Variants in MACROD2 observed in about 807,000 individuals in gnomAD.
MACROD2 encodes ADP-ribose glycohydrolase MACROD2.
MACROD2 carries 36 observed loss-of-function variants against 70.4 expected under a neutral mutation model. The observed-to-expected ratio is 0.51, with a 90% CI of 0.39 to 0.68. The LOEUF (loss-of-function observed/expected upper bound fraction) is 0.68, where lower values mean the gene tolerates loss of function less well. Among genes scored for constraint, MACROD2 ranks in the 30% least tolerant of loss-of-function variants. The probability of loss-of-function intolerance (pLI) is 0.00; values close to 1 mark genes in which losing one functional copy is unlikely to be tolerated. For missense variants in MACROD2, 496 were observed against 538.4 expected, an observed-to-expected ratio of 0.92 and a Z score of 0.78; for synonymous variants, 172 against 178.8, an observed-to-expected ratio of 0.96 and a Z score of 0.30.
chr20:14,802,590 C>T (rs1437722631), intron 5 of MACROD2, among the ~76,000 whole-genome samples: 1 of 151,638 alleles, frequency 6.6e-6, no homozygotes, highest in Non-Finnish European at 1.5e-5. Flanking sequence ...TTAATTATAA[C>T]AATATTTTTG....
chr20:15,166,834 G>A (rs1353073359), intron 5 of MACROD2, among the ~76,000 whole-genome samples: 3 of 150,666 alleles, frequency 2.0e-5, no homozygotes, highest in African/African-American at 7.3e-5. Context: ...CAGAAATGAA[G>A]GTTTTAAGTT....
chr20:14,473,702 T>C (rs2084556585), intron 3 of MACROD2, among the ~76,000 whole-genome samples: 1 of 152,232 alleles, frequency 6.6e-6, no homozygotes, highest in South Asian at 2.1e-4. Flanking sequence ...AGTTCTATTT[T>C]TAAATTTTTC....
chr20:16,035,070 TAA>T (rs1290487149), intron 15 of MACROD2, among the ~76,000 whole-genome samples: 25 of 22,488 alleles, frequency 1.1e-3, no homozygotes, highest in Middle Eastern at 0.048. Context: ...ATATTATATA[TAA>T]AATATAATAT....
chr20:16,008,751 G>A (rs6080085), intron 15 of MACROD2, among the ~76,000 whole-genome samples: 94 of 152,250 alleles, frequency 6.2e-4, no homozygotes, highest in Non-Finnish European at 1.2e-3. Flanking sequence ...CTGAGTAAAA[G>A]GCTATACTCC....
intron 5 of MACROD2, among the ~76,000 whole-genome samples, chr20:14,866,923 A>T (rs549761280): frequency 3.9e-5 from 6 of 152,258 alleles, no homozygotes; most frequent in African/African-American, 1.4e-4. Context: ...AATCAAAGCT[A>T]TTTGATTTTA....
chr20:14,943,018 A>G (rs907825765), intron 5 of MACROD2, among the ~76,000 whole-genome samples: 2 of 152,308 alleles, frequency 1.3e-5, no homozygotes, highest in Middle Eastern at 6.8e-3. Context: ...TGTATTCATC[A>G]CCTGAATGAC....
At chr20:15,137,574 G>T in intron 5 of MACROD2, among the ~76,000 whole-genome samples, 1 of 113,668 alleles carries the variant, frequency 8.8e-6, no homozygotes, top group Non-Finnish European at 1.7e-5. Context: ...TGGGGGGAGG[G>T]GGGAGGGATA....
At chr20:15,971,803 G>GAAACCACACTTATCCCCACCT (rs2066234789) in intron 13 of MACROD2, among the ~76,000 whole-genome samples, 1 of 151,924 alleles carries the variant, frequency 6.6e-6, no homozygotes, top group African/African-American at 2.4e-5. Context: ...CCATGGAACT[G>GAAACCACACTTATCCCCACCT]TGGCTCAAGC....
chr20:15,838,957 A>G (rs868029921), intron 8 of MACROD2, among the ~76,000 whole-genome samples: 3 of 152,164 alleles, frequency 2.0e-5, no homozygotes, highest in Non-Finnish European at 2.9e-5. Flanking sequence ...CAACTCATAC[A>G]TGTGTATGCA....
chr20:14,712,263 A>C (rs976685055), intron 5 of MACROD2, among the ~76,000 whole-genome samples: 2 of 152,182 alleles, frequency 1.3e-5, no homozygotes, highest in Non-Finnish European at 2.9e-5. Context: ...CTGACTGCCA[A>C]TGACACATAA....
chr20:15,152,234 T>C (rs542264670), intron 5 of MACROD2, among the ~76,000 whole-genome samples: 1 of 152,036 alleles, frequency 6.6e-6, no homozygotes, highest in African/African-American at 2.4e-5. Flanking sequence ...GCTTAGATTT[T>C]AGATCAGGTG....
chr20:14,208,982 T>A (rs4814289), intron 3 of MACROD2, among the ~76,000 whole-genome samples: 144,485 of 152,296 alleles, frequency 0.95, 68,559 homozygotes, highest in East Asian at 0.99. Flanking sequence ...AAAGAAGTAG[T>A]GTGTTAAACT....
At chr20:15,177,442 T>C (rs1026575891) in intron 5 of MACROD2, among the ~76,000 whole-genome samples, 2 of 152,362 alleles carry the variant, frequency 1.3e-5, no homozygotes, top group Admixed American at 1.3e-4. Flanking sequence ...AGCCTGACTT[T>C]CCAAATTGAA....
At chr20:15,899,931 AAAAT>A (rs2065039738) in intron 10 of MACROD2, among the ~76,000 whole-genome samples, 1 of 152,138 alleles carries the variant, frequency 6.6e-6, no homozygotes, top group South Asian at 2.1e-4. Flanking sequence ...TTATTTTACT[AAAAT>A]AAATTTTTCT....
intron 3 of MACROD2, among the ~76,000 whole-genome samples, chr20:14,308,448 T>G (rs892680645): frequency 1.3e-5 from 2 of 152,098 alleles, no homozygotes; most frequent in African/African-American, 4.8e-5. Flanking sequence ...TGCCTTTCTG[T>G]GAGGGTGTTA....
intron 6 of MACROD2, among the ~76,000 whole-genome samples, chr20:15,236,085 A>T (rs1179368206): frequency 6.6e-6 from 1 of 152,262 alleles, no homozygotes; most frequent in East Asian, 1.9e-4. Flanking sequence ...AGTTTACAGC[A>T]GTGTATTCCT....
At chr20:14,319,151 C>T (rs920576342) in intron 3 of MACROD2, among the ~76,000 whole-genome samples, 2 of 152,184 alleles carry the variant, frequency 1.3e-5, no homozygotes, top group African/African-American at 4.8e-5. Flanking sequence ...TCTTCTCCAT[C>T]CTCTTCATCT....
intron 3 of MACROD2, among the ~76,000 whole-genome samples, chr20:14,491,901 G>C (rs2084799355): frequency 1.3e-5 from 2 of 152,062 alleles, no homozygotes; most frequent in African/African-American, 4.8e-5. Flanking sequence ...AGTCAAATAT[G>C]AAAATAAAAA....
intron 5 of MACROD2, among the ~76,000 whole-genome samples, chr20:14,912,877 A>G (rs999146147): frequency 3.9e-5 from 6 of 152,162 alleles, no homozygotes; most frequent in Admixed American, 1.3e-4. Context: ...GGGCTCATCT[A>G]TGCCCCAAGT....
Sources: allele counts gnomAD v4.1 joint callset (sites outside exome capture counted in the v4.1 genomes callset), GRCh38; gene constraint gnomAD v4.1.1; transcripts MANE v1.5; gene names NCBI Gene and HGNC (gene_info 2026-07-23, HGNC 2026-07-21).